Variants in CD81 observed in about 807,000 individuals in gnomAD.
The protein encoded by CD81 is CD81 antigen.
A neutral mutation model predicts 30.1 loss-of-function variants in CD81; 10 were observed. That is an observed-to-expected ratio of 0.33 (90% CI 0.21 to 0.56). The LOEUF is 0.56. Ranked by LOEUF, CD81 falls within the 20% of genes least tolerant of loss-of-function variation. CD81 has a pLI of 0.89. For synonymous variants in CD81, 147 were observed against 126.4 expected (o/e 1.16, Z -1.10); for missense variants, 263 against 308.7 (o/e 0.85, Z 1.11).
chr11:2,379,116 A>C (rs1849655275), intron 1 of CD81: 1 of 454,706 alleles, frequency 2.2e-6, no homozygotes, highest in Non-Finnish European at 4.4e-6. Context: ...GCCGTTGCTT[A>C]GTGGTGGCCT....
intron 1 of CD81, among the ~76,000 whole-genome samples, chr11:2,387,444 G>C (rs1849817326): frequency 1.3e-5 from 2 of 152,212 alleles, no homozygotes; most frequent in Admixed American, 1.3e-4. Context: ...AGTTACCACG[G>C]CAACTCTCGG....
chr11:2,378,173 T>C lies in CD81; in HGVS notation c.66+558T>C, dbSNP rs1181447229. On this transcript the variant is annotated intron_variant, in intron 1 of 7. Coordinates refer to ENST00000263645, the MANE Select transcript of CD81 (RefSeq NM_004356.4). The surrounding 1 kb of genome is among the most constrained non-coding windows in gnomAD (Gnocchi z 4.9). Reference sequence around the variant, plus strand: ...GCCCAGCTCACTCTCCAATCTGCGGTCACCACCCGAGACCTTCCTGGGGGT... The same window carrying C: ...GCCCAGCTCACTCTCCAATCTGCGGCCACCACCCGAGACCTTCCTGGGGGT... Among the ~76,000 whole-genome samples the C allele has an allele frequency of 1.3e-5, 2 of 151,890 alleles. No individual in the cohort carries two copies.
chr11:2,395,855 C>G lies in CD81; in HGVS notation c.460-14C>G. 6.3e-7 allele frequency: 1 copy of G among 1,591,686 alleles called. No individual in the cohort carries two copies. Among genetic ancestry groups the G allele is most frequent in the Non-Finnish European group, 8.6e-7 (1 of 1,161,778 alleles). ...GCACATCCAGGGCTGACCTTGCACC[C>G]CTGCTCTCTGCAGCTTGACTGCTGT... On this transcript the variant is annotated splice_polypyrimidine_tract_variant and intron_variant, in intron 5 of 7. Coordinates refer to ENST00000263645, the MANE Select transcript of CD81 (RefSeq NM_004356.4).
chr11:2,382,820 TG>T (rs2133443942), intron 1 of CD81, among the ~76,000 whole-genome samples: 1 of 152,258 alleles, frequency 6.6e-6, no homozygotes, highest in South Asian at 2.1e-4. Flanking sequence ...CCCAGGCCGA[TG>T]GGGGCCCAGA....
intron 1 of CD81, among the ~76,000 whole-genome samples, chr11:2,388,483 C>T (rs1849837260): frequency 6.6e-6 from 1 of 152,228 alleles, no homozygotes; most frequent in African/African-American, 2.4e-5. Flanking sequence ...TGGCCAGGGC[C>T]ATTGGAACAG....
intron 1 of CD81, among the ~76,000 whole-genome samples, chr11:2,388,101 C>T (rs1050723999): frequency 6.6e-6 from 1 of 152,168 alleles, no homozygotes; most frequent in African/African-American, 2.4e-5. Context: ...GGCTGGAGTG[C>T]AGTGGCACAA....
chr11:2,378,264 C>G lies in CD81; in HGVS notation c.66+649C>G, dbSNP rs753172489. Among the ~76,000 whole-genome samples the G allele has an allele frequency of 6.6e-6, 1 of 152,102 alleles. No homozygotes were observed. Among genetic ancestry groups the G allele is most frequent in the Non-Finnish European group, 1.5e-5 (1 of 68,002 alleles). On this transcript the variant is annotated intron_variant, in intron 1 of 7. Transcript: ENST00000263645. The surrounding 1 kb of genome is among the most constrained non-coding windows in gnomAD (Gnocchi z 4.9). The stretch of plus-strand genomic sequence containing the variant: ...GAAGCTGGGGTGCGCGCACCCTGGC[C>G]GTCCCTGCCTGGGAGCCGATCTCCC...
Position 2,395,279 on chromosome 11 carries a change from C to G in CD81, c.355-137C>G. The G allele has an allele frequency of 7.7e-6, 6 of 783,434 alleles. No individual in the cohort carries two copies. The South Asian group carries it at 9.0e-5, about 12-fold the overall frequency. The allele number at this position is 783,434 out of a possible 1,614,324, so 48.5% of individuals were successfully genotyped here. On this transcript the variant is annotated intron_variant, in intron 4 of 7. Coordinates refer to ENST00000263645, the MANE Select transcript of CD81 (RefSeq NM_004356.4). ...CCGGGGCAGCTGAGAGTGCAGAGTC[C>G]TTGTCCTCTGGGGTCTAGCCTCGAA...
chr11:2,377,295 G>A (rs1292357546), upstream of CD81: 1 of 151,840 alleles, frequency 6.6e-6, no homozygotes, highest in African/African-American at 2.4e-5. The surrounding 1 kb of genome is among the most constrained non-coding windows in gnomAD (Gnocchi z 7.7). Context: ...GTACTGCGGA[G>A]CGAGGCGCGC....
At chr11:2,389,802 C>T (rs1052259388) in intron 1 of CD81, among the ~76,000 whole-genome samples, 1 of 152,110 alleles carries the variant, frequency 6.6e-6, no homozygotes, top group African/African-American at 2.4e-5. Context: ...TACAGCTTGG[C>T]CTGGTAACAT....
At chr11:2,395,301 C>T (rs544706764) in intron 4 of CD81, 115 bp from the exon 5 acceptor site, 49 of 882,442 alleles carry the variant, frequency 5.6e-5, no homozygotes, top group South Asian at 1.4e-4. Flanking sequence ...GGTCTAGCCT[C>T]GAAGCCACCC....
chr11:2,390,618 G>GA (rs1296232820), intron 2 of CD81, 92 bp downstream of exon 2: 49 of 920,858 alleles, frequency 5.3e-5, no homozygotes, highest in Middle Eastern at 2.1e-4. Flanking sequence ...GAGGGTGAAA[G>GA]ACAGTCGGGC....
At chr11:2,388,029 G>C (rs1849827226) in intron 1 of CD81, among the ~76,000 whole-genome samples, 1 of 152,144 alleles carries the variant, frequency 6.6e-6, no homozygotes, top group South Asian at 2.1e-4. Flanking sequence ...CGTGGCTGCT[G>C]GCACCAGCAG....
chr11:2,391,773 C>A (rs1849905347), intron 2 of CD81: 1 of 152,282 alleles, frequency 6.6e-6, no homozygotes, highest in African/African-American at 2.4e-5. Flanking sequence ...GAGACCACCC[C>A]CTGCACGCAG....
At chr11:2,388,736 C>A (rs192290435) in intron 1 of CD81, among the ~76,000 whole-genome samples, 1,765 of 152,266 alleles carry the variant, frequency 0.012, 31 homozygotes, top group African/African-American at 0.04. Context: ...CTCGTGGCCC[C>A]CCCCGGGTGC....
intron 6 of CD81, 79 bp downstream of exon 6, chr11:2,396,049 C>T: frequency 1.1e-6 from 1 of 929,048 alleles, no homozygotes; most frequent in East Asian, 2.5e-5. Flanking sequence ...GGGCAGGTCA[C>T]ACGGCAGCCC....
At chr11:2,386,028 C>G (rs369270067) in intron 1 of CD81, 3 of 716,922 alleles carry the variant, frequency 4.2e-6, no homozygotes, top group Non-Finnish European at 5.2e-6. Flanking sequence ...TTACAGCCCC[C>G]GTTGTATGCG....
At chr11:2,386,397 G>T in intron 1 of CD81, 1 of 641,758 alleles carries the variant, frequency 1.6e-6, no homozygotes. Flanking sequence ...CATGGGGTTT[G>T]TTATGGGGCA....
upstream of CD81, chr11:2,376,259 T>C (rs965831295): frequency 2.0e-5 from 3 of 152,240 alleles, no homozygotes. Context: ...TTCCCATCGT[T>C]GCAGAAGGTT....
Sources: allele counts gnomAD v4.1 joint callset (sites outside exome capture counted in the v4.1 genomes callset), GRCh38; gene constraint gnomAD v4.1.1; non-coding constraint Gnocchi (gnomAD v3.1); transcripts MANE v1.5; gene names NCBI Gene and HGNC (gene_info 2026-07-23, HGNC 2026-07-21).